CHST11: variants seen among roughly 807,000 people sequenced by gnomAD.
CHST11 encodes C4S-1.
CHST11 carries 9 observed loss-of-function variants against 30.4 expected under a neutral mutation model. That is an observed-to-expected ratio of 0.30 (90% CI 0.18 to 0.52). The LOEUF (loss-of-function observed/expected upper bound fraction) is 0.52. CHST11 is among the 20% of genes least tolerant of loss of function. CHST11 has a pLI of 0.97. For synonymous variants in CHST11, 152 were observed against 187.8 expected (o/e 0.81, Z 1.56); for missense variants, 348 against 460.6 (o/e 0.76, Z 2.24).
rs563091879 is a variant in CHST11 at position 104,474,395 on chromosome 12, C to T, written c.118+16866C>T. ...AATTATGTGCTTAAAAATATTAACT[C>T]GGAATAGTGGCCTTGCTCACTTTAG... On this transcript the variant is annotated intron_variant, in intron 1 of 2. Coordinates refer to ENST00000303694, the MANE Select transcript of CHST11 (RefSeq NM_018413.6). Among the ~76,000 whole-genome samples the T allele has an allele frequency of 1.4e-4, 22 of 152,284 alleles. 1 individual carries two copies. In the South Asian group the frequency reaches 3.9e-3, roughly 27 times the overall value.
intron 2 of CHST11, among the ~76,000 whole-genome samples, chr12:104,685,876 T>C (rs770616427): frequency 1.2e-4 from 18 of 152,186 alleles, no homozygotes; most frequent in Non-Finnish European, 2.5e-4. Flanking sequence ...CCTGTGCTAT[T>C]TGGGGACTTC....
At chr12:104,493,035 G>GA (rs367826263) in intron 1 of CHST11, among the ~76,000 whole-genome samples, 102 of 143,064 alleles carry the variant, frequency 7.1e-4, no homozygotes, top group East Asian at 3.0e-3. Context: ...CCAGTCTCAG[G>GA]AAAAAAAAAA....
At chr12:104,516,331 G>A (rs915512228) in intron 1 of CHST11, among the ~76,000 whole-genome samples, 1 of 152,164 alleles carries the variant, frequency 6.6e-6, no homozygotes, top group African/African-American at 2.4e-5. Context: ...CAGAGAGCAC[G>A]GTGTCTGTTC....
intron 2 of CHST11, 31 bp downstream of exon 2, chr12:104,602,022 A>ATT (rs5800627): frequency 0.041 from 46,576 of 1,145,208 alleles, 3 homozygotes; most frequent in East Asian, 0.056. Flanking sequence ...CAGCATGTGA[A>ATT]TTTTTTTTTT....
At chr12:104,685,822 T>C (rs1406999457) in intron 2 of CHST11, among the ~76,000 whole-genome samples, 2 of 152,226 alleles carry the variant, frequency 1.3e-5, no homozygotes, top group Non-Finnish European at 2.9e-5. Flanking sequence ...CTCTGCCTAT[T>C]CCCTTGCTGA....
chr12:104,518,970 CTTTCT>C lies in CHST11; in HGVS notation c.118+61445_118+61449del, dbSNP rs1392024705. 2.5e-3 allele frequency among the ~76,000 whole-genome samples: 264 copies of C among 104,442 alleles called. 4 individuals are homozygous for C. The highest frequency in any genetic ancestry group is 9.5e-3 in the African/African-American group (196 of 20,632). The allele number at this position is 104,442 out of a possible 152,430, so 68.5% of individuals were successfully genotyped here. ...TAAAATCTTTTCTTTTTCTTTTTTT[CTTTCT>C]TTTTTTTTTTTTTTAACTCTTTCTT... On this transcript the variant is annotated intron_variant, in intron 1 of 2. Transcript: ENST00000303694.
At position 104,689,785 on chromosome 12, in the gene CHST11, A is replaced by G. The variant is rs943821125; in HGVS notation, c.205-67164A>G. On this transcript the variant is annotated intron_variant, in intron 2 of 2. Transcript: ENST00000303694. The stretch of plus-strand genomic sequence containing the variant: ...GCACTGTCTGCTTAACTAGACAGAC[A>G]AGCCCAGTTCCCTCTCTCCTTCCCC... Among the ~76,000 whole-genome samples the G allele has an allele frequency of 2.6e-5, 4 of 152,112 alleles. No individual in the cohort carries two copies. The East Asian group carries it at 7.7e-4, about 29-fold the overall frequency.
At chr12:104,737,278 G>A (rs2136136391) in intron 2 of CHST11, among the ~76,000 whole-genome samples, 1 of 152,344 alleles carries the variant, frequency 6.6e-6, no homozygotes, top group Non-Finnish European at 1.5e-5. Flanking sequence ...AGGTCATCGT[G>A]GGGGTGGCTG....
chr12:104,510,019 A>G (rs2037949065), intron 1 of CHST11, among the ~76,000 whole-genome samples: 1 of 152,166 alleles, frequency 6.6e-6, no homozygotes, highest in Admixed American at 6.5e-5. Flanking sequence ...GGTGAAGGTC[A>G]TCTACTTTTT....
intron 2 of CHST11, among the ~76,000 whole-genome samples, chr12:104,677,697 A>G (rs764393709): frequency 1.9e-4 from 29 of 152,258 alleles, no homozygotes; most frequent in Non-Finnish European, 8.8e-5. Context: ...ACGGAAGTTC[A>G]AATGTGGCGC....
At chr12:104,611,590 G>T (rs2039060307) in intron 2 of CHST11, among the ~76,000 whole-genome samples, 1 of 152,214 alleles carries the variant, frequency 6.6e-6, no homozygotes, top group Non-Finnish European at 1.5e-5. Flanking sequence ...GAAGCCATTT[G>T]TTCCTGTGCC....
At chr12:104,561,731 T>C (rs2038515103) in intron 1 of CHST11, among the ~76,000 whole-genome samples, 1 of 152,102 alleles carries the variant, frequency 6.6e-6, no homozygotes. Flanking sequence ...AAGGGTTTCA[T>C]AGGTGCTATT....
intron 1 of CHST11, among the ~76,000 whole-genome samples, chr12:104,585,826 C>G (rs11612029): frequency 0.022 from 3,387 of 152,258 alleles, 39 homozygotes; most frequent in Middle Eastern, 0.034. Context: ...CCCTCCTTGC[C>G]TCTTCCTGGC....
At chr12:104,686,065 C>T (rs556268181) in intron 2 of CHST11, among the ~76,000 whole-genome samples, 15 of 151,904 alleles carry the variant, frequency 9.9e-5, no homozygotes, top group African/African-American at 3.6e-4. Context: ...CTCATCTCTA[C>T]GAAAACATTT....
chr12:104,723,928 C>T (rs545456829), intron 2 of CHST11, among the ~76,000 whole-genome samples: 7 of 152,294 alleles, frequency 4.6e-5, no homozygotes, highest in Admixed American at 1.3e-4. Context: ...AGGAGAAAGA[C>T]ATTTCACAGA....
intron 2 of CHST11, among the ~76,000 whole-genome samples, chr12:104,674,493 A>G (rs1242229495): frequency 1.3e-5 from 2 of 152,222 alleles, no homozygotes; most frequent in Non-Finnish European, 2.9e-5. Context: ...CTTCTTGTCC[A>G]GTATCACCCA....
intron 1 of CHST11, among the ~76,000 whole-genome samples, chr12:104,599,222 G>A (rs2038935083): frequency 6.6e-6 from 1 of 152,206 alleles, no homozygotes; most frequent in South Asian, 2.1e-4. Flanking sequence ...GCTGATGGCT[G>A]TGGGCAAAGA....
chr12:104,507,209 C>T (rs777727796), intron 1 of CHST11, among the ~76,000 whole-genome samples: 3 of 152,134 alleles, frequency 2.0e-5, no homozygotes, highest in Admixed American at 6.5e-5. Flanking sequence ...ATGTGAAGTG[C>T]GAGCAGATGG....
Position 104,601,897 on chromosome 12 carries a change from T to G in CHST11, c.119-9T>G, listed in dbSNP as rs1241305486. On this transcript the variant is annotated splice_polypyrimidine_tract_variant and intron_variant, in intron 1 of 2. Transcript: ENST00000303694. ...TCATTTCTGATGAGCCTTCACTTTC[T>G]TTCCTCAGTCATGCGGAGGAATCCC... The G allele has an allele frequency of 1.2e-6, 2 of 1,607,218 alleles. No homozygotes were observed. The highest frequency in any genetic ancestry group is 8.5e-7 in the Non-Finnish European group (1 of 1,175,580).
Sources: gnomAD v4.1 joint callset for allele counts (sites outside exome capture counted in the v4.1 genomes callset) on GRCh38, gnomAD v4.1.1 for gene constraint, MANE v1.5 for transcripts, NCBI Gene and HGNC (gene_info 2026-07-23, HGNC 2026-07-21) for gene names.